Variants in KLRG1 observed in about 807,000 individuals in gnomAD.
The protein encoded by KLRG1 is killer cell lectin-like receptor subfamily G member 1.
A neutral mutation model predicts 21.8 loss-of-function variants in KLRG1; 16 were observed. That is an observed-to-expected ratio of 0.73 (90% confidence interval 0.50 to 1.11). The LOEUF (loss-of-function observed/expected upper bound fraction) is 1.11, where lower values mean the gene tolerates loss of function less well. Ranked by LOEUF, KLRG1 falls within the 50% of genes most tolerant of loss-of-function variation. The probability of loss-of-function intolerance (pLI) is 0.00; values close to 1 mark genes in which losing one functional copy is unlikely to be tolerated. For missense variants in KLRG1, 173 were observed against 218.3 expected, an observed-to-expected ratio of 0.79 and a Z score of 1.31; for synonymous variants, 69 against 75.9, an observed-to-expected ratio of 0.91 and a Z score of 0.47.
At chr12:9,077,523 C>A in the KLRG1 span, 1 of 1,463,464 alleles carries the variant, frequency 6.8e-7, no homozygotes, top group Non-Finnish European at 9.4e-7. Flanking sequence ...TACCCATATC[C>A]ATCCCTATAG....
At chr12:9,141,540 C>T in the KLRG1 span, among the ~76,000 whole-genome samples, 2 of 152,156 alleles carry the variant, frequency 1.3e-5, no homozygotes, top group Non-Finnish European at 2.9e-5. Context: ...CTGGATGATA[C>T]TTCTTCAACT....
chr12:9,009,906 A>G lies in KLRG1; in HGVS notation c.*369A>G, dbSNP rs1217593727. 5 of 1,519,146 alleles carry G rather than the reference A, an allele frequency of 3.3e-6. No homozygotes were observed. The highest frequency in any genetic ancestry group is 2.1e-5 in the Admixed American group (1 of 48,268). The allele number at this position is 1,519,146 out of a possible 1,614,324, so 94.1% of individuals were successfully genotyped here. On this transcript the variant is annotated 3_prime_UTR_variant, in exon 5 of 5. Coordinates refer to ENST00000356986, the MANE Select transcript of KLRG1 (RefSeq NM_005810.4). ...AGCTAATCTGATAAAATCTATGCCA[A>G]TATATACTATTGCTTGTGTACTAGA...
the KLRG1 span, among the ~76,000 whole-genome samples, chr12:9,146,925 C>T: frequency 4.2e-5 from 4 of 94,574 alleles, no homozygotes; most frequent in East Asian, 3.1e-4. Context: ...CAACTCTTTT[C>T]CCAGGCGGAA....
intron 1 of KLRG1, among the ~76,000 whole-genome samples, chr12:8,967,682 T>G (rs1186855847): frequency 1.3e-5 from 2 of 152,188 alleles, no homozygotes; most frequent in Non-Finnish European, 2.9e-5. Context: ...AATGGTTCCA[T>G]GTATTTTCTG....
At chr12:9,200,763 TG>T in the KLRG1 span, 1 of 979,096 alleles carries the variant, frequency 1.0e-6, no homozygotes, top group Non-Finnish European at 1.5e-6. Flanking sequence ...ACCGTCCTAA[TG>T]GTCTTAGAAG....
chr12:8,955,773 G>A (rs1242315518), intron 1 of KLRG1, among the ~76,000 whole-genome samples: 1 of 151,938 alleles, frequency 6.6e-6, no homozygotes, highest in African/African-American at 2.4e-5. Flanking sequence ...TACTGATAGT[G>A]GTGGGAAGCA....
At chr12:9,090,261 G>T in the KLRG1 span, 1 of 1,569,030 alleles carries the variant, frequency 6.4e-7, no homozygotes, top group South Asian at 1.1e-5. Context: ...AGCATCTAGT[G>T]GTCTTTTCCT....
chr12:9,125,279 A>G, the KLRG1 span, among the ~76,000 whole-genome samples: 124,303 of 152,134 alleles, frequency 0.82, 51,125 homozygotes, highest in African/African-American at 0.85. Context: ...GCTCATCTTC[A>G]TCTTGTCCTT....
the KLRG1 span, among the ~76,000 whole-genome samples, chr12:9,122,205 T>C: frequency 1.3e-5 from 2 of 152,218 alleles, no homozygotes; most frequent in African/African-American, 4.8e-5. Context: ...GCAGTTTATT[T>C]TGGAATAGGA....
chr12:9,205,543 A>G, the KLRG1 span, among the ~76,000 whole-genome samples: 136,495 of 152,186 alleles, frequency 0.9, 61,368 homozygotes, highest in East Asian at 1. Flanking sequence ...CATAACAGAT[A>G]GATAAAATCC....
the KLRG1 span, among the ~76,000 whole-genome samples, chr12:9,090,178 G>A: frequency 2.0e-5 from 3 of 152,344 alleles, no homozygotes; most frequent in Middle Eastern, 3.4e-3. Context: ...GAATGATACT[G>A]AGAATTCAAG....
chr12:9,046,151 G>C, the KLRG1 span, among the ~76,000 whole-genome samples: 2 of 152,082 alleles, frequency 1.3e-5, no homozygotes, highest in African/African-American at 4.8e-5. Context: ...AACATGGTCT[G>C]GACATGGCTG....
At chr12:9,152,133 G>T in the KLRG1 span, 1 of 999,798 alleles carries the variant, frequency 1.0e-6, no homozygotes, top group Non-Finnish European at 1.6e-6. Context: ...GGATGATGTT[G>T]ACATGGTTTT....
At chr12:8,968,941 A>G (rs1363642334) in intron 1 of KLRG1, among the ~76,000 whole-genome samples, 1 of 152,242 alleles carries the variant, frequency 6.6e-6, no homozygotes, top group African/African-American at 2.4e-5. Flanking sequence ...GGATGCAGCT[A>G]AAGCAGTGCT....
At chr12:9,148,270 T>C in the KLRG1 span, among the ~76,000 whole-genome samples, 1 of 152,196 alleles carries the variant, frequency 6.6e-6, no homozygotes, top group Non-Finnish European at 1.5e-5. Flanking sequence ...GAATACAATA[T>C]GGTTAACTGT....
the KLRG1 span, chr12:9,192,536 T>C: frequency 2.6e-5 from 42 of 1,613,710 alleles, no homozygotes; most frequent in Non-Finnish European, 3.4e-5. Context: ...TGAGCTCCGA[T>C]AACTCTCCCA....
At chr12:9,174,935 A>G in the KLRG1 span, among the ~76,000 whole-genome samples, 1 of 152,218 alleles carries the variant, frequency 6.6e-6, no homozygotes, top group Non-Finnish European at 1.5e-5. Flanking sequence ...TACCATTGAC[A>G]TTCTTCACAG....
the KLRG1 span, among the ~76,000 whole-genome samples, chr12:9,207,896 GTA>G: frequency 6.6e-6 from 1 of 151,550 alleles, no homozygotes; most frequent in Non-Finnish European, 1.5e-5. Context: ...TATACTTTCT[GTA>G]TATATATATA....
chr12:9,106,598 C>G, the KLRG1 span: 3 of 1,549,578 alleles, frequency 1.9e-6, no homozygotes, highest in South Asian at 2.3e-5. Flanking sequence ...GCAGCCATGG[C>G]TGTTTAGCTA....
Sources: allele counts gnomAD v4.1 joint callset (sites outside exome capture counted in the v4.1 genomes callset), GRCh38; gene constraint gnomAD v4.1.1; transcripts MANE v1.5; gene names NCBI Gene and HGNC (gene_info 2026-07-23, HGNC 2026-07-21).